The following THSD4 variants were observed in gnomAD, a reference collection of about 807,000 sequenced individuals.
THSD4 encodes the protein thrombospondin type-1 domain-containing protein 4.
A neutral mutation model predicts 119.0 loss-of-function variants in THSD4; 69 were observed. That is an observed-to-expected ratio of 0.58 (90% confidence interval 0.48 to 0.71). The LOEUF (loss-of-function observed/expected upper bound fraction) is 0.71, where lower values mean the gene tolerates loss of function less well. Among genes scored for constraint, THSD4 ranks in the 30% least tolerant of loss-of-function variants. THSD4 has a pLI of 0.00. For synonymous variants in THSD4, 524 were observed against 540.4 expected (o/e 0.97, Z 0.42); for missense variants, 1,393 against 1,391.1 (o/e 1.00, Z -0.02).
chr15:71,148,024 G>A (rs1004250667), intron 2 of THSD4, among the ~76,000 whole-genome samples: 2 of 145,226 alleles, frequency 1.4e-5, no homozygotes, highest in African/African-American at 5.1e-5. Context: ...ACCTCACATT[G>A]CCAGAAGTAC....
chr15:71,316,327 C>T (rs1050572310), intron 6 of THSD4, among the ~76,000 whole-genome samples: 2 of 152,158 alleles, frequency 1.3e-5, no homozygotes, highest in African/African-American at 4.8e-5. Flanking sequence ...AACAGGTAGA[C>T]ATTGACAAAC....
At chr15:71,210,662 A>T (rs1596270943) in intron 3 of THSD4, among the ~76,000 whole-genome samples, 1 of 152,288 alleles carries the variant, frequency 6.6e-6, no homozygotes, top group Middle Eastern at 3.4e-3. Context: ...AATATCAGTG[A>T]TTTTTTAATG....
At chr15:71,105,499 T>G (rs1430565021) in intron 1 of THSD4, among the ~76,000 whole-genome samples, 1 of 152,154 alleles carries the variant, frequency 6.6e-6, no homozygotes, top group Non-Finnish European at 1.5e-5. Context: ...GTTTTTCTGG[T>G]GTTGAGTCCC....
chr15:71,571,774 A>G (rs953973201), intron 7 of THSD4, among the ~76,000 whole-genome samples: 2 of 152,148 alleles, frequency 1.3e-5, no homozygotes, highest in African/African-American at 4.8e-5. Flanking sequence ...CCCCACGCTG[A>G]TCTTTTAAAC....
intron 7 of THSD4, among the ~76,000 whole-genome samples, chr15:71,444,944 C>T (rs1359134839): frequency 6.6e-6 from 1 of 152,150 alleles, no homozygotes; most frequent in African/African-American, 2.4e-5. Flanking sequence ...GATAAAAGTC[C>T]AAATTCCTTA....
chr15:71,098,138 G>A (rs879353806), intron 1 of THSD4, among the ~76,000 whole-genome samples: 2 of 151,506 alleles, frequency 1.3e-5, no homozygotes, highest in East Asian at 3.9e-4. Flanking sequence ...TGTGAGCTGC[G>A]GAACAGTTCT....
chr15:71,482,800 TG>T (rs2047753664), intron 7 of THSD4, among the ~76,000 whole-genome samples: 1 of 150,976 alleles, frequency 6.6e-6, no homozygotes, highest in Admixed American at 6.6e-5. Context: ...TTGGCCAGGC[TG>T]GTCTCAAACT....
intron 3 of THSD4, among the ~76,000 whole-genome samples, chr15:71,184,823 G>T (rs1396410395): frequency 6.6e-6 from 1 of 151,822 alleles, no homozygotes; most frequent in Non-Finnish European, 1.5e-5. Context: ...TTACCCTCAC[G>T]CTGTCCTGAA....
intron 15 of THSD4, among the ~76,000 whole-genome samples, chr15:71,761,686 C>T (rs2053630148): frequency 6.6e-6 from 1 of 152,182 alleles, no homozygotes; most frequent in Non-Finnish European, 1.5e-5. Flanking sequence ...TCTTTGCCAG[C>T]TCCTTCTTTT....
intron 1 of THSD4, among the ~76,000 whole-genome samples, chr15:71,140,585 C>T: frequency 6.6e-6 from 1 of 152,150 alleles, no homozygotes; most frequent in Non-Finnish European, 1.5e-5. Flanking sequence ...TCAGAGCAAC[C>T]ATTTACTGAG....
upstream of THSD4, among the ~76,000 whole-genome samples, chr15:71,112,512 A>G (rs1169110405): frequency 1.3e-5 from 2 of 152,178 alleles, no homozygotes; most frequent in African/African-American, 4.8e-5. Context: ...ATTTCTAACA[A>G]AGAGCCTCTA....
In THSD4 at chr15:71,453,277, TG is replaced by T. The variant is rs564984701; in HGVS notation, c.1152+41455del. 1.6e-3 allele frequency among the ~76,000 whole-genome samples: 242 copies of T among 152,356 alleles called. 1 individual carries two copies. The highest frequency in any genetic ancestry group is 5.7e-3 in the African/African-American group (237 of 41,594). On this transcript the variant is annotated intron_variant, in intron 7 of 17. Coordinates refer to ENST00000261862, the MANE Select transcript of THSD4 (RefSeq NM_024817.3). ...GCCGTAGCTCTCCTCTTCTCTACAA[TG>T]TAGCTTACAGGCCAAGCCCTTTCAG...
At chr15:71,122,604 T>G (rs2040417729) in intron 1 of THSD4, among the ~76,000 whole-genome samples, 1 of 152,218 alleles carries the variant, frequency 6.6e-6, no homozygotes, top group Admixed American at 6.5e-5. Flanking sequence ...TATGTTTTAA[T>G]TTAGCACATG....
At chr15:71,487,258 T>C (rs943076233) in intron 7 of THSD4, among the ~76,000 whole-genome samples, 1 of 151,242 alleles carries the variant, frequency 6.6e-6, no homozygotes, top group African/African-American at 2.5e-5. Flanking sequence ...ATCTCTCTGT[T>C]TGGAGATGGA....
At chr15:71,633,254 T>C (rs2050667910) in intron 7 of THSD4, among the ~76,000 whole-genome samples, 1 of 134,622 alleles carries the variant, frequency 7.4e-6, no homozygotes, top group African/African-American at 2.7e-5. Context: ...TTCTTTTCTT[T>C]TTCTTTCTTT....
chr15:71,673,882 G>A (rs555961412), intron 8 of THSD4, among the ~76,000 whole-genome samples: 46 of 152,140 alleles, frequency 3.0e-4, no homozygotes, highest in Admixed American at 8.5e-4. Context: ...TCAGCCTCCC[G>A]AGTAGCTGGG....
chr15:71,437,156 C>T (rs749600984), intron 7 of THSD4, among the ~76,000 whole-genome samples: 4 of 152,104 alleles, frequency 2.6e-5, no homozygotes, highest in African/African-American at 9.7e-5. Flanking sequence ...GCAAGAGCAG[C>T]AGCGAGAGAG....
At chr15:71,671,859 C>A (rs1277401863) in intron 8 of THSD4, among the ~76,000 whole-genome samples, 10 of 152,160 alleles carry the variant, frequency 6.6e-5, no homozygotes, top group Non-Finnish European at 1.5e-5. Flanking sequence ...GTTTTGGTAC[C>A]AGTACCATGC....
At chr15:71,412,169 T>C (rs1368125748) in intron 7 of THSD4, among the ~76,000 whole-genome samples, 1 of 152,234 alleles carries the variant, frequency 6.6e-6, no homozygotes, top group Non-Finnish European at 1.5e-5. Flanking sequence ...GCTGGTTTAA[T>C]CAAGAATTGG....
Sources: allele counts gnomAD v4.1 joint callset (sites outside exome capture counted in the v4.1 genomes callset), GRCh38; gene constraint gnomAD v4.1.1; transcripts MANE v1.5; gene names NCBI Gene and HGNC (gene_info 2026-07-23, HGNC 2026-07-21).